Variants in MAP2K5 observed in about 807,000 individuals in gnomAD.
MAP2K5 encodes the protein mitogen-activated protein kinase kinase 5.
A neutral mutation model predicts 83.1 loss-of-function variants in MAP2K5; 49 were observed. The ratio of observed to expected loss-of-function variants is 0.59; its 90% CI spans 0.47 to 0.75. The LOEUF is 0.75. Among genes scored for constraint, MAP2K5 ranks in the 30% least tolerant of loss-of-function variants. MAP2K5 has a pLI of 0.00. For missense variants in MAP2K5, 457 were observed against 557.5 expected, an observed-to-expected ratio of 0.82 and a Z score of 1.82; for synonymous variants, 202 against 191.8, an observed-to-expected ratio of 1.05 and a Z score of -0.44.
rs2090325377 is a variant in MAP2K5, at chr15:67,781,360, A to G, written c.1242+8608A>G. Among the ~76,000 whole-genome samples, 2 of 152,162 alleles carry G rather than the reference A, an allele frequency of 1.3e-5. No individual in the cohort carries two copies. The highest frequency in any genetic ancestry group is 4.8e-5 in the African/African-American group (2 of 41,438). The stretch of plus-strand genomic sequence containing the variant: ...TTGTTTAATGGGTTGTTTGCTTTTT[A>G]ATTTGTAGCAGTTTTGAGAGAGACC... On this transcript the variant is annotated intron_variant, in intron 21 of 21. Transcript: ENST00000178640. The surrounding 1 kb of genome is among the most constrained non-coding windows in gnomAD (Gnocchi z 4.0).
intron 17 of MAP2K5, among the ~76,000 whole-genome samples, chr15:67,737,394 A>G (rs2089366666): frequency 6.6e-6 from 1 of 152,298 alleles, no homozygotes; most frequent in Middle Eastern, 3.4e-3. Context: ...TAAAAAGGGG[A>G]CAGACCTGGC....
chr15:67,718,164 A>G (rs2088870005), intron 16 of MAP2K5: 1 of 152,220 alleles, frequency 6.6e-6, no homozygotes, highest in African/African-American at 2.4e-5. Flanking sequence ...TGACTTTGAA[A>G]TGTCTAGAAA....
At chr15:67,627,294 G>A (rs1221880475) in intron 8 of MAP2K5, among the ~76,000 whole-genome samples, 1 of 152,166 alleles carries the variant, frequency 6.6e-6, no homozygotes, top group East Asian at 1.9e-4. Flanking sequence ...CAATGAGGTT[G>A]TTATTTGAGA....
At chr15:67,550,672 G>A (rs1269684045) in intron 2 of MAP2K5, among the ~76,000 whole-genome samples, 1 of 151,880 alleles carries the variant, frequency 6.6e-6, no homozygotes, top group Non-Finnish European at 1.5e-5. Context: ...GCTACGATGA[G>A]ATAGTCAGTA....
At chr15:67,688,622 G>T (rs1369104776) in intron 13 of MAP2K5, among the ~76,000 whole-genome samples, 2 of 152,108 alleles carry the variant, frequency 1.3e-5, no homozygotes, top group Non-Finnish European at 2.9e-5. Flanking sequence ...TTCTAGCTTG[G>T]TTGATTACCA....
intron 21 of MAP2K5, among the ~76,000 whole-genome samples, chr15:67,776,369 A>C (rs537326008): frequency 5.9e-5 from 9 of 152,190 alleles, no homozygotes; most frequent in Non-Finnish European, 1.3e-4. Context: ...ACAAATTTTC[A>C]GACAGTAGAG....
intron 4 of MAP2K5, among the ~76,000 whole-genome samples, chr15:67,585,162 A>C (rs1567290623): frequency 6.6e-6 from 1 of 151,412 alleles, no homozygotes. Flanking sequence ...TTTGTAGGGC[A>C]CTATAGTTTT....
chr15:67,622,484 A>T (rs1229618025), intron 8 of MAP2K5, among the ~76,000 whole-genome samples: 1 of 152,074 alleles, frequency 6.6e-6, no homozygotes, highest in Non-Finnish European at 1.5e-5. Flanking sequence ...GAGTATAATA[A>T]CTTCTACTCA....
At chr15:67,754,628 A>C (rs930118135) in intron 19 of MAP2K5, among the ~76,000 whole-genome samples, 3 of 152,222 alleles carry the variant, frequency 2.0e-5, no homozygotes, top group Non-Finnish European at 4.4e-5. Flanking sequence ...GGAAGCTAAC[A>C]AACCATCAGA....
At chr15:67,716,668 G>A (rs556820973) in intron 16 of MAP2K5, among the ~76,000 whole-genome samples, 1 of 152,198 alleles carries the variant, frequency 6.6e-6, no homozygotes, top group Non-Finnish European at 1.5e-5. Context: ...TCTTAGCAGT[G>A]AGGAAGCTGG....
intron 7 of MAP2K5, among the ~76,000 whole-genome samples, chr15:67,597,936 G>A (rs576232516): frequency 4.6e-5 from 7 of 152,234 alleles, no homozygotes; most frequent in South Asian, 2.1e-4. Flanking sequence ...GGGCGTGGTC[G>A]CTCATGCTTG....
chr15:67,612,793 T>C (rs1390332141), intron 8 of MAP2K5, among the ~76,000 whole-genome samples: 1 of 152,210 alleles, frequency 6.6e-6, no homozygotes, highest in Non-Finnish European at 1.5e-5. Flanking sequence ...CACAGCCTAG[T>C]TGATGAAACT....
At chr15:67,664,747 GA>G in intron 13 of MAP2K5, 102 bp downstream of exon 13, 4 of 700,868 alleles carry the variant, frequency 5.7e-6, no homozygotes, top group South Asian at 1.9e-5. Context: ...TAAGCCAGCT[GA>G]TACATCTGGT....
At chr15:67,772,941 C>T (rs1024776237) in intron 21 of MAP2K5, among the ~76,000 whole-genome samples, 189 bp downstream of exon 21, 8 of 152,176 alleles carry the variant, frequency 5.3e-5, no homozygotes, top group African/African-American at 1.9e-4. Context: ...TAAAAACCCA[C>T]CACCTTTTTG....
intron 21 of MAP2K5, among the ~76,000 whole-genome samples, chr15:67,792,353 T>A (rs1596983193): frequency 2.0e-5 from 3 of 152,098 alleles, no homozygotes; most frequent in African/African-American, 7.2e-5. Context: ...AGATGTGAGG[T>A]CTTTGAAACA....
At chr15:67,634,985 TTTTA>T (rs1443386103) in intron 9 of MAP2K5, among the ~76,000 whole-genome samples, 2 of 152,168 alleles carry the variant, frequency 1.3e-5, no homozygotes, top group Non-Finnish European at 2.9e-5. Context: ...ATGCCCCCTT[TTTTA>T]AGTGATTGCT....
At chr15:67,674,162 A>G (rs1367301040) in intron 13 of MAP2K5, among the ~76,000 whole-genome samples, 1 of 152,090 alleles carries the variant, frequency 6.6e-6, no homozygotes, top group African/African-American at 2.4e-5. Context: ...CACTTTTTTA[A>G]AAGAACTGGT....
chr15:67,607,994 C>T (rs1482983475), intron 8 of MAP2K5, among the ~76,000 whole-genome samples: 1 of 152,110 alleles, frequency 6.6e-6, no homozygotes, highest in African/African-American at 2.4e-5. Flanking sequence ...ACTTCATCTC[C>T]TCTCAGAGAA....
chr15:67,578,434 C>T (rs1465053435), intron 3 of MAP2K5, among the ~76,000 whole-genome samples: 1 of 152,172 alleles, frequency 6.6e-6, no homozygotes, highest in Non-Finnish European at 1.5e-5. Flanking sequence ...CCTCCCTTTA[C>T]AGCATGTCCT....
Sources: allele counts gnomAD v4.1 joint callset (sites outside exome capture counted in the v4.1 genomes callset), GRCh38; gene constraint gnomAD v4.1.1; non-coding constraint Gnocchi (gnomAD v3.1); transcripts MANE v1.5; gene names NCBI Gene and HGNC (gene_info 2026-07-23, HGNC 2026-07-21).